The following SGCE variants were observed in gnomAD, a reference collection of about 807,000 sequenced individuals.
SGCE encodes epsilon-sarcoglycan.
Under a neutral mutation model 57.8 loss-of-function variants are expected in SGCE, and 26 were observed. The observed-to-expected ratio is 0.45, with a 90% confidence interval of 0.33 to 0.62. The LOEUF is 0.62. Ranked by LOEUF, SGCE falls within the 20% of genes least tolerant of loss-of-function variation. The pLI, the probability that SGCE is intolerant of heterozygous loss-of-function variation, is 0.02. For synonymous variants in SGCE, 183 were observed against 189.5 expected (o/e 0.97, Z 0.28); for missense variants, 468 against 548.6 (o/e 0.85, Z 1.47).
chr7:94,610,638 C>CAGAAAAAAAATAAATTGAACTCT (rs1800875084), intron 5 of SGCE, among the ~76,000 whole-genome samples: 1 of 151,654 alleles, frequency 6.6e-6, no homozygotes, highest in Non-Finnish European at 1.5e-5. Context: ...CCAGCAGTAA[C>CAGAAAAAAAATAAATTGAACTCT]AGAAAAAAAA....
rs2272091 is a variant in SGCE, at chr7:94,623,440, T to G, written c.391-43A>C. On this transcript the variant is annotated intron_variant, in intron 3 of 10. Transcript: ENST00000648936. ...CCATATTAAAGAAGTGAAATGTTCT[T>G]TGTAAAATGAAATTCATTAAGGATT... The G allele has an allele frequency of 0.14, 167,598 of 1,238,746 alleles. 13,169 individuals are homozygous for G. The highest frequency in any genetic ancestry group is 0.24 in the South Asian group (18,757 of 78,454). The allele number at this position is 1,238,746 out of a possible 1,614,324, so 76.7% of individuals were successfully genotyped here. A position where few individuals can be genotyped will look rare whatever the true frequency, so the allele number is the denominator to read the frequency against.
chr7:94,638,417 T>C (rs1213802365), intron 1 of SGCE, among the ~76,000 whole-genome samples: 1 of 152,190 alleles, frequency 6.6e-6, no homozygotes, highest in Admixed American at 6.5e-5. Flanking sequence ...TTCAGAGATG[T>C]ATGAAGAAAA....
intron 1 of SGCE, among the ~76,000 whole-genome samples, chr7:94,648,809 T>C (rs1030868308): frequency 3.9e-5 from 6 of 152,158 alleles, no homozygotes; most frequent in African/African-American, 1.4e-4. Context: ...CTTTCCAAGG[T>C]AAAAGAGCAA....
intron 1 of SGCE, among the ~76,000 whole-genome samples, chr7:94,645,065 C>G (rs750418240): frequency 1.3e-5 from 2 of 152,146 alleles, no homozygotes; most frequent in Non-Finnish European, 2.9e-5. Context: ...TAACTCACCC[C>G]AGGTCTTATG....
rs576417569 is a variant in SGCE at position 94,600,815 on chromosome 7, G to A, written c.868C>T (p.Arg290Cys). 3 of 1,612,734 alleles carry A rather than the reference G, an allele frequency of 1.9e-6. No individual in the cohort carries two copies. The highest frequency in any genetic ancestry group is 1.1e-5 in the South Asian group (1 of 90,912). Residue 290 changes from arginine (R) to cysteine (C), a missense_variant, in exon 7 of 11, where the codon CGT becomes TGT. Arg to Cys is a radical substitution (Grantham distance 180). Transcript: ENST00000648936. ...KQVSTYQEVIRGEGILPDGGE... is the reference protein window; with the variant it reads ...KQVSTYQEVICGEGILPDGGE... ...CCATCAGGTAAAATCCCCTCTCCACGAATCACTTCCTGATAGGTGGACACT... is the reference window on the plus strand; with the variant it reads ...CCATCAGGTAAAATCCCCTCTCCACAAATCACTTCCTGATAGGTGGACACT...
chr7:94,615,692 T>C (rs957607602), intron 5 of SGCE, among the ~76,000 whole-genome samples: 1 of 152,150 alleles, frequency 6.6e-6, no homozygotes, highest in African/African-American at 2.4e-5. Flanking sequence ...CCAGAGGAAA[T>C]AGTGGTAAGT....
chr7:94,627,337 T>C (rs1276834746), intron 3 of SGCE: 3 of 152,086 alleles, frequency 2.0e-5, no homozygotes, highest in African/African-American at 7.2e-5. Context: ...ACAGTTGTTT[T>C]GTTGTTGTTA....
At chr7:94,617,716 A>G (rs1802141892) in intron 5 of SGCE, 2 of 152,210 alleles carry the variant, frequency 1.3e-5, no homozygotes, top group Admixed American at 1.3e-4. Context: ...CATTGCTATA[A>G]AACAGAAGAT....
chr7:94,651,833 T>C (rs1250509862), intron 1 of SGCE, among the ~76,000 whole-genome samples: 1 of 152,152 alleles, frequency 6.6e-6, no homozygotes, highest in Non-Finnish European at 1.5e-5. Context: ...TTTAAGAGCA[T>C]TGAGACTCTA....
rs536848546 is a variant in SGCE, at chr7:94,640,190, G to A, written c.110-10349C>T. Among the ~76,000 whole-genome samples, 26 of 152,212 alleles carry A rather than the reference G, an allele frequency of 1.7e-4. No individual in the cohort carries two copies. The South Asian group carries it at 5.4e-3, about 32-fold the overall frequency. On this transcript the variant is annotated intron_variant, in intron 1 of 10. Coordinates refer to ENST00000648936, the MANE Select transcript of SGCE (RefSeq NM_003919.3). ...AGAGAAAGATGATTAATTTGATTCA[G>A]GATATGTTAAACTTAGGGTACTAGT...
At chr7:94,614,107 C>A (rs12113805) in intron 5 of SGCE, among the ~76,000 whole-genome samples, 39,654 of 94,790 alleles carry the variant, frequency 0.42, 6,103 homozygotes, top group Middle Eastern at 0.52. Flanking sequence ...AAATTGAAAT[C>A]AAAAAAAAAA....
At chr7:94,633,304 T>G (rs1805017329) in intron 1 of SGCE, among the ~76,000 whole-genome samples, 1 of 151,988 alleles carries the variant, frequency 6.6e-6, no homozygotes, top group Admixed American at 6.6e-5. Context: ...CATCTCCAAA[T>G]AGCAAGCATA....
intron 5 of SGCE, among the ~76,000 whole-genome samples, chr7:94,607,105 A>T (rs1170301983): frequency 6.6e-6 from 1 of 152,150 alleles, no homozygotes; most frequent in Non-Finnish European, 1.5e-5. Context: ...GAAAAAAAAA[A>T]TCAGATAATC....
intron 5 of SGCE, among the ~76,000 whole-genome samples, chr7:94,611,611 T>G (rs1801053569): frequency 6.6e-6 from 1 of 152,194 alleles, no homozygotes; most frequent in African/African-American, 2.4e-5. Context: ...AAGTCACGAT[T>G]TAAAATTGTA....
At chr7:94,641,735 T>C (rs1584752213) in intron 1 of SGCE, among the ~76,000 whole-genome samples, 1 of 150,508 alleles carries the variant, frequency 6.6e-6, no homozygotes, top group East Asian at 2.0e-4. Context: ...TTAAGCTAAA[T>C]TATGAAAAAT....
intron 5 of SGCE, among the ~76,000 whole-genome samples, chr7:94,610,611 A>G (rs1584592041): frequency 6.6e-6 from 1 of 152,338 alleles, no homozygotes; most frequent in East Asian, 1.9e-4. Context: ...GATTCTTAAA[A>G]TATGACACTA....
intron 5 of SGCE, among the ~76,000 whole-genome samples, chr7:94,615,815 G>T (rs1801844673): frequency 6.6e-6 from 1 of 152,132 alleles, no homozygotes; most frequent in African/African-American, 2.4e-5. Flanking sequence ...GCCATGACAT[G>T]CCTGGAATGA....
intron 10 of SGCE, 74 bp from the exon 11 acceptor site, chr7:94,585,589 A>T (rs1383575246): frequency 2.1e-6 from 2 of 949,536 alleles, no homozygotes; most frequent in Non-Finnish European, 3.5e-6. Context: ...AGCAAAGCAA[A>T]TTATGGCAAG....
chr7:94,587,212 T>C, intron 10 of SGCE: 1 of 985,532 alleles, frequency 1.0e-6, no homozygotes, highest in Non-Finnish European at 1.2e-6. Context: ...TCTGTATTAC[T>C]AAAATGTAGC....
Sources: allele counts gnomAD v4.1 joint callset (sites outside exome capture counted in the v4.1 genomes callset), GRCh38; gene constraint gnomAD v4.1.1; transcripts MANE v1.5; gene names NCBI Gene and HGNC (gene_info 2026-07-23, HGNC 2026-07-21).